Variants in SLCO2B1 observed in about 807,000 individuals in gnomAD.
SLCO2B1 encodes OATP-RP2.
In SLCO2B1, 41 loss-of-function variants were observed where a neutral mutation model predicts 67.3. That is an observed-to-expected ratio of 0.61 (90% confidence interval 0.47 to 0.79). SLCO2B1 has a LOEUF of 0.79. SLCO2B1 is among the 30% of genes least tolerant of loss of function. The probability of loss-of-function intolerance (pLI) is 0.00; values close to 1 mark genes in which losing one functional copy is unlikely to be tolerated. For missense variants in SLCO2B1, 837 were observed against 920.1 expected, an observed-to-expected ratio of 0.91 and a Z score of 1.17; for synonymous variants, 379 against 381.4, an observed-to-expected ratio of 0.99 and a Z score of 0.07.
intron 3 of SLCO2B1, 80 bp downstream of exon 3, chr11:75,164,180 C>A: frequency 6.8e-7 from 1 of 1,476,368 alleles, no homozygotes; most frequent in Non-Finnish European, 9.1e-7. Context: ...CCTCTCACTA[C>A]CCTACCTTAA....
At chr11:75,153,962 G>T (rs1283066519) in intron 1 of SLCO2B1, among the ~76,000 whole-genome samples, 1 of 132,850 alleles carries the variant, frequency 7.5e-6, no homozygotes, top group Non-Finnish European at 1.5e-5. Flanking sequence ...GTCTTACCCC[G>T]TCACCCAGGC....
intron 9 of SLCO2B1, among the ~76,000 whole-genome samples, chr11:75,196,099 C>A (rs565371211): frequency 6.6e-6 from 1 of 152,182 alleles, no homozygotes; most frequent in African/African-American, 2.4e-5. Flanking sequence ...GGAGATCCCA[C>A]GGGTGGTCAG....
At chr11:75,171,772 C>G (rs139899385) in intron 6 of SLCO2B1, among the ~76,000 whole-genome samples, 7 of 152,270 alleles carry the variant, frequency 4.6e-5, no homozygotes, top group Admixed American at 2.6e-4. Context: ...CTTCCCACCC[C>G]ACTCTGTGGT....
At chr11:75,172,652 G>A (rs1356648170) in intron 7 of SLCO2B1, 83 bp downstream of exon 7, 13 of 1,291,550 alleles carry the variant, frequency 1.0e-5, no homozygotes, top group African/African-American at 1.5e-5. Flanking sequence ...CACTTCGGCT[G>A]GGCGTGGTGG....
At chr11:75,167,562 C>A (rs1229165823) in intron 4 of SLCO2B1, among the ~76,000 whole-genome samples, 1 of 152,158 alleles carries the variant, frequency 6.6e-6, no homozygotes, top group Non-Finnish European at 1.5e-5. Flanking sequence ...ATTCTTCATC[C>A]AATACTGATG....
At position 75,204,487 on chromosome 11, in the gene SLCO2B1, G is replaced by C. The variant is rs749219145; in HGVS notation, c.2037G>C (p.Glu679Asp). The C allele has an allele frequency of 6.2e-7, 1 of 1,613,676 alleles. No individual in the cohort carries two copies. The highest frequency in any genetic ancestry group is 2.2e-5 in the East Asian group (1 of 44,882). ...CTGTCCTGAGGCAGCAGGACAAAGA[G>C]GCAAGGACCAAAGAGAGCAGATCCA... ...VLAVLRQQDK[E>D]ARTKESRSSP... Residue 679 changes from glutamate to aspartate, a missense_variant, in exon 14 of 14, where the codon GAG (glutamate) becomes GAC (aspartate). Transcript: ENST00000289575.
intron 7 of SLCO2B1, among the ~76,000 whole-genome samples, chr11:75,179,768 A>T (rs1950072158): frequency 6.7e-6 from 1 of 150,072 alleles, no homozygotes; most frequent in South Asian, 2.1e-4. Flanking sequence ...ACAGAGTCTC[A>T]CTCTGTCACC....
At chr11:75,169,445 G>A (rs775827694) in intron 5 of SLCO2B1, 39 bp downstream of exon 5, 34 of 1,522,624 alleles carry the variant, frequency 2.2e-5, no homozygotes, top group Non-Finnish European at 3.0e-5. Context: ...TGAGGGTCAG[G>A]CCAGGCTCAA....
intron 3 of SLCO2B1, among the ~76,000 whole-genome samples, chr11:75,165,189 T>C (rs1176042890): frequency 6.6e-6 from 1 of 152,096 alleles, no homozygotes; most frequent in Non-Finnish European, 1.5e-5. Context: ...CCCAGCACTT[T>C]GGGAGGCTGA....
At chr11:75,156,910 C>T (rs1375736227) in intron 1 of SLCO2B1, among the ~76,000 whole-genome samples, 1 of 152,240 alleles carries the variant, frequency 6.6e-6, no homozygotes, top group Non-Finnish European at 1.5e-5. Context: ...AGGGCATTCT[C>T]ATCGCCATCT....
intron 9 of SLCO2B1, among the ~76,000 whole-genome samples, chr11:75,194,961 TC>T (rs1209494068): frequency 4.6e-5 from 7 of 152,178 alleles, no homozygotes; most frequent in South Asian, 2.1e-4. Flanking sequence ...AGAAGAACTT[TC>T]CATATTTCTG....
At chr11:75,187,755 A>G (rs1407307668) in intron 7 of SLCO2B1, among the ~76,000 whole-genome samples, 1 of 152,148 alleles carries the variant, frequency 6.6e-6, no homozygotes, top group African/African-American at 2.4e-5. Flanking sequence ...TTTGTCATTT[A>G]GTCACAACGA....
At chr11:75,162,487 C>A (rs1009206111) in intron 1 of SLCO2B1, among the ~76,000 whole-genome samples, 168 bp from the exon 2 acceptor site, 1 of 152,108 alleles carries the variant, frequency 6.6e-6, no homozygotes, top group Non-Finnish European at 1.5e-5. Flanking sequence ...AGAACTGTGA[C>A]CTAAGAATGA....
intron 1 of SLCO2B1, among the ~76,000 whole-genome samples, chr11:75,158,682 C>G (rs2140302623): frequency 1.3e-5 from 2 of 152,304 alleles, no homozygotes; most frequent in Middle Eastern, 6.8e-3. Context: ...TCAGTAAATA[C>G]TGTTATATTC....
chr11:75,191,843 A>AC (rs1945027287), intron 8 of SLCO2B1, among the ~76,000 whole-genome samples: 1 of 152,208 alleles, frequency 6.6e-6, no homozygotes, highest in Non-Finnish European at 1.5e-5. Flanking sequence ...TGACACTTTC[A>AC]CCTGGGCTGC....
At chr11:75,191,115 T>A (rs187231612) in intron 8 of SLCO2B1, among the ~76,000 whole-genome samples, 311 of 151,734 alleles carry the variant, frequency 2.0e-3, no homozygotes, top group African/African-American at 7.3e-3. Flanking sequence ...CCCTTTGGAG[T>A]CAGGCAGCCA....
rs745917328 is a variant in SLCO2B1, at chr11:75,164,013, C to T, written c.198C>T (p.Ser66=). 7.3e-5 allele frequency: 117 copies of T among 1,605,806 alleles called. No individual in the cohort carries two copies. Among genetic ancestry groups the T allele is most frequent in the Admixed American group, 1.7e-4 (10 of 59,066 alleles). The change falls in exon 3 of 14, where the codon TCC becomes TCT. Residue 66 remains serine (S), a synonymous_variant. Transcript: ENST00000289575. Reference sequence around the variant, plus strand: ...TGCAGCTGGCGCAGCTCATGATCTCCGGCTACCTAAAGAGCTCCATCTCCA... The same window carrying T: ...TGCAGCTGGCGCAGCTCATGATCTCTGGCTACCTAAAGAGCTCCATCTCCA... ...SLLQLAQLMI[S]GYLKSSISTV... is the part of the protein sequence containing the mutation.
chr11:75,154,652 T>G (rs1292999944), intron 1 of SLCO2B1, among the ~76,000 whole-genome samples: 1 of 152,194 alleles, frequency 6.6e-6, no homozygotes, highest in Non-Finnish European at 1.5e-5. Flanking sequence ...CCTCTTCCCC[T>G]CTTTCTGGAC....
chr11:75,195,376 G>A (rs554047020), intron 9 of SLCO2B1, among the ~76,000 whole-genome samples: 1 of 142,932 alleles, frequency 7.0e-6, no homozygotes, highest in Admixed American at 7.0e-5. Context: ...CCCCCACCCC[G>A]AGGGAGATGT....
Sources: allele counts gnomAD v4.1 joint callset (sites outside exome capture counted in the v4.1 genomes callset), GRCh38; gene constraint gnomAD v4.1.1; transcripts MANE v1.5; gene names NCBI Gene and HGNC (gene_info 2026-07-23, HGNC 2026-07-21).